The following WIZ variants were observed in gnomAD, a reference collection of about 807,000 sequenced individuals.
WIZ encodes WIZ zinc finger, also known as protein Wiz.
Under a neutral mutation model 140.2 loss-of-function variants are expected in WIZ, and 25 were observed. The observed-to-expected ratio is 0.18, with a 90% CI of 0.13 to 0.25. WIZ has a LOEUF of 0.25. Among genes scored for constraint, WIZ ranks in the 10% least tolerant of loss-of-function variants. The probability of loss-of-function intolerance (pLI) is 1.00; values close to 1 mark genes in which losing one functional copy is unlikely to be tolerated. For synonymous variants in WIZ, 1,125 were observed against 1,154.3 expected (o/e 0.97, Z 0.51); for missense variants, 2,231 against 2,632.6 (o/e 0.85, Z 3.34).
At chr19:15,423,318 C>T in intron 12 of WIZ, 83 bp from the exon 13 acceptor site, 1 of 1,508,910 alleles carries the variant, frequency 6.6e-7, no homozygotes, top group African/African-American at 1.4e-5. Flanking sequence ...CCTGGGCACA[C>T]CTGCTGCTAC....
chr19:15,433,353 C>A, intron 5 of WIZ: 1 of 985,446 alleles, frequency 1.0e-6, no homozygotes, highest in Non-Finnish European at 1.2e-6. Context: ...AACATTGCCC[C>A]GCCCCCAACC....
chr19:15,425,435 T>C lies in WIZ; in HGVS notation c.4700A>G (p.Gln1567Arg). 1 of 1,568,130 alleles carries C rather than the reference T, an allele frequency of 6.4e-7. No individual in the cohort carries two copies. Among genetic ancestry groups the C allele is most frequent in the Non-Finnish European group, 8.6e-7 (1 of 1,156,470 alleles). ...CGTCAGGCTGAGCTCACGAGGAACCTGGGCCGGCCCTGCACCTGGTTTGCC... is the reference window on the plus strand; with the variant it reads ...CGTCAGGCTGAGCTCACGAGGAACCCGGGCCGGCCCTGCACCTGGTTTGCC... ...RPGKPGAGPA[Q>R]VPRELSLTPI... Residue 1567 changes from glutamine to arginine, a missense_variant, in exon 10 of 13, where the codon CAG (glutamine) becomes CGG (arginine). Gln to Arg is a conservative substitution (Grantham distance 43, BLOSUM62 1). Transcript: ENST00000673675.
intron 4 of WIZ, 80 bp downstream of exon 4, chr19:15,438,498 C>A (rs111336281): frequency 7.1e-6 from 10 of 1,409,120 alleles, no homozygotes; most frequent in Non-Finnish European, 9.3e-6. Flanking sequence ...CCCTGCTTGG[C>A]GCTAAGGGAG....
At chr19:15,434,328 G>A (rs1267890440) in intron 5 of WIZ, among the ~76,000 whole-genome samples, 3 of 151,082 alleles carry the variant, frequency 2.0e-5, no homozygotes, top group African/African-American at 2.4e-5. Context: ...TTGGGAGGCC[G>A]AGGCGGGCGG....
Position 15,424,256 on chromosome 19 carries a change from G to T in WIZ, c.5437C>A (p.Pro1813Thr). The change falls in exon 12 of 13, where the codon CCC becomes ACC. Residue 1813 changes from proline to threonine, a missense_variant. By Grantham distance (38) the Pro-to-Thr change is conservative. Around this residue, in one of 15 missense-constraint regions of WIZ, gnomAD observed 299 missense variants for 309.6 expected, o/e 0.97. Transcript: ENST00000673675. The surrounding 1 kb of genome is among the most constrained non-coding windows in gnomAD (Gnocchi z 9.7). ...TGGGGGGGCCGGGGCACCAGGGAGGGGACTGGCCGGACTCGGGGTGGGGGT... is the reference window on the plus strand; with the variant it reads ...TGGGGGGGCCGGGGCACCAGGGAGGTGACTGGCCGGACTCGGGGTGGGGGT... ...RQPPPRVRPV[P>T]SLVPRPPQTS... 1 of 1,589,364 alleles carries T rather than the reference G, an allele frequency of 6.3e-7. No homozygotes were observed. Among genetic ancestry groups the T allele is most frequent in the Non-Finnish European group, 8.5e-7 (1 of 1,170,948 alleles).
rs1026384756 is a variant in WIZ at position 15,421,038 on chromosome 19, C to T, written c.*2038G>A. 19 of 152,168 alleles carry T rather than the reference C, an allele frequency of 1.2e-4. No homozygotes were observed. The highest frequency in any genetic ancestry group is 4.3e-4 in the African/African-American group (18 of 41,394). 9.4% of individuals were successfully genotyped at this position (152,168 alleles called of 1,614,324 possible). A position where few individuals can be genotyped will look rare whatever the true frequency, so the allele number is the denominator to read the frequency against. On this transcript the variant is annotated 3_prime_UTR_variant, in exon 13 of 13. Transcript: ENST00000673675. ...GGCTGAGGCAGGAGAATCACTTGAA[C>T]CCAGGAGGCAGAGACTGCAGCGAGC...
rs773725279 is a variant in WIZ at position 15,439,390 on chromosome 19, A to G, written c.1604T>C (p.Met535Thr). 1.3e-6 allele frequency: 2 copies of G among 1,529,364 alleles called. No homozygotes were observed. The highest frequency in any genetic ancestry group is 1.2e-5 in the South Asian group (1 of 83,576). 94.7% of individuals were successfully genotyped at this position (1,529,364 alleles called of 1,614,324 possible). Residue 535 changes from methionine to threonine, a missense_variant, in exon 4 of 13, where the codon ATG becomes ACG. By Grantham distance (81) the Met-to-Thr change is moderately conservative (BLOSUM62 -1). Transcript: ENST00000673675. The surrounding 1 kb of genome is among the most constrained non-coding windows in gnomAD (Gnocchi z 7.0). Reference protein sequence around the residue: ...FGKAEPSLAPMWRENPAGYDP... With the variant: ...FGKAEPSLAPTWRENPAGYDP... ...GTATCCAGCAGGGTTCTCCCGCCAC[A>G]TGGGGGCCAAGGACGGCTCAGCTTT...
In WIZ at chr19:15,420,648, T is replaced by C. The variant is rs1487530875; in HGVS notation, c.*2428A>G. On this transcript the variant is annotated 3_prime_UTR_variant, in exon 13 of 13. Transcript: ENST00000673675. ...AAGTGGCTTGAGCAGAGAAGAGCAA[T>C]GCTCAGAAAGTTTTAGGAAAACATC... 1 of 152,188 alleles carries C rather than the reference T, an allele frequency of 6.6e-6. No homozygotes were observed. The highest frequency in any genetic ancestry group is 1.5e-5 in the Non-Finnish European group (1 of 68,052). 9.4% of individuals were successfully genotyped at this position (152,188 alleles called of 1,614,324 possible).
In WIZ at chr19:15,438,752, C is replaced by T. The variant is rs1209154233; in HGVS notation, c.2242G>A (p.Glu748Lys). ...GDPAMALKHE[E>K]RKCPYCPDRF... ...TCGGGGCAGTAGGGGCATTTCCGCT[C>T]CTCGTGCTTCAGTGCCATGGCCGGA... Residue 748 changes from glutamate (E) to lysine (K), a missense_variant, in exon 4 of 13, where the codon GAG becomes AAG. Glu to Lys is a moderately conservative substitution (Grantham distance 56). Coordinates refer to ENST00000673675, the MANE Select transcript of WIZ (RefSeq NM_001371589.1). 2 of 1,535,744 alleles carry T rather than the reference C, an allele frequency of 1.3e-6. No homozygotes were observed. Among genetic ancestry groups the T allele is most frequent in the Non-Finnish European group, 1.7e-6 (2 of 1,146,562 alleles).
In WIZ at chr19:15,423,104, G is replaced by A. The variant is rs374661115; in HGVS notation, c.5642C>T (p.Ala1881Val). Residue 1881 changes from alanine (A) to valine (V), a missense_variant, in exon 13 of 13, where the codon GCA (alanine) becomes GTA (valine). Coordinates refer to ENST00000673675, the MANE Select transcript of WIZ (RefSeq NM_001371589.1). ...PPPEESQAPQ[A>V]QTAAAEAP ...GGGAGCCTCTGCCGCCGCTGTCTGT[G>A]CCTGCGGGGCCTGGGACTCCTCAGG... 8 of 1,612,222 alleles carry A rather than the reference G, an allele frequency of 5.0e-6. No individual in the cohort carries two copies. Among genetic ancestry groups the A allele is most frequent in the Non-Finnish European group, 5.9e-6 (7 of 1,179,774 alleles).
chr19:15,424,222 AGTG>A lies in WIZ; in HGVS notation c.5468_5470del (p.Ser1823_Leu1824delinsPhe). 2 of 1,564,548 alleles carry A rather than the reference AGTG, an allele frequency of 1.3e-6. No homozygotes were observed. The highest frequency in any genetic ancestry group is 2.0e-5 in the Admixed American group (1 of 50,890). On this transcript the variant is annotated inframe_deletion, in exon 12 of 13. Coordinates refer to ENST00000673675, the MANE Select transcript of WIZ (RefSeq NM_001371589.1). The surrounding 1 kb of genome is among the most constrained non-coding windows in gnomAD (Gnocchi z 9.7). ...GTAGATGTTGCCCACGAACTTGACA[AGTG>A]ATGTCTGGGGGGGCCGGGGCACCAG...
At position 15,432,302 on chromosome 19, in the gene WIZ, G is replaced by A. The variant is rs923284881; in HGVS notation, c.2741-1120C>T. On this transcript the variant is annotated intron_variant, in intron 5 of 12. Transcript: ENST00000673675. ...CTGCGAGCGGCGACAGAAGGCCCTG[G>A]GCCCACACAACTAAAGGGCCTGGGG... The A allele has an allele frequency of 3.5e-5, 11 of 315,244 alleles. No individual in the cohort carries two copies. In the East Asian group the frequency reaches 1.9e-3, roughly 54 times the overall value. 19.5% of individuals were successfully genotyped at this position (315,244 alleles called of 1,614,324 possible). A position where few individuals can be genotyped will look rare whatever the true frequency, so the allele number is the denominator to read the frequency against.
rs1968346443 is a variant in WIZ at position 15,420,974 on chromosome 19, G to C, written c.*2102C>G. The stretch of plus-strand genomic sequence containing the variant: ...CTACAAAAATTACAGATATAAGCCA[G>C]GGGTGGTGGTGCATGCCTGTGATCC... On this transcript the variant is annotated 3_prime_UTR_variant, in exon 13 of 13. Transcript: ENST00000673675. The C allele has an allele frequency of 6.6e-6, 1 of 152,198 alleles. No homozygotes were observed. The highest frequency in any genetic ancestry group is 1.5e-5 in the Non-Finnish European group (1 of 68,064). 9.4% of individuals were successfully genotyped at this position (152,198 alleles called of 1,614,324 possible).
intron 10 of WIZ, 23 bp from the exon 11 acceptor site, chr19:15,425,055 C>T (rs758933397): frequency 4.9e-5 from 75 of 1,542,096 alleles, no homozygotes; most frequent in Non-Finnish European, 6.1e-5. Context: ...GGGGGTGCTG[C>T]TGAGTCACAG....
chr19:15,424,598 C>G lies in WIZ; in HGVS notation c.5314+15G>C. On this transcript the variant is annotated intron_variant, in intron 11 of 12. Coordinates refer to ENST00000673675, the MANE Select transcript of WIZ (RefSeq NM_001371589.1). This position sits in a 1 kb window ranked among gnomAD's most constrained non-coding sequence, Gnocchi z 9.7. ...TGCCCGCTGCGCTCCCGACCCTCCTCCACCAAGCACTCACTGTTGATGTTC... is the reference window on the plus strand; with the variant it reads ...TGCCCGCTGCGCTCCCGACCCTCCTGCACCAAGCACTCACTGTTGATGTTC... 1.3e-6 allele frequency: 2 copies of G among 1,580,380 alleles called. No individual in the cohort carries two copies. Among genetic ancestry groups the G allele is most frequent in the Middle Eastern group, 4.6e-4 (2 of 4,368 alleles).
rs1379756838 is a variant in WIZ at position 15,421,190 on chromosome 19, C to T, written c.*1886G>A. The stretch of plus-strand genomic sequence containing the variant: ...GAAGAAACACCTTTGAGTCAGCTCA[C>T]AAGATGCTCTCCCTGCTTCCTAAGT... On this transcript the variant is annotated 3_prime_UTR_variant, in exon 13 of 13. Transcript: ENST00000673675. 6.6e-6 allele frequency: 1 copy of T among 152,264 alleles called. No individual in the cohort carries two copies. The highest frequency in any genetic ancestry group is 1.5e-5 in the Non-Finnish European group (1 of 68,048). The allele number at this position is 152,264 out of a possible 1,614,324, so 9.4% of individuals were successfully genotyped here. A position where few individuals can be genotyped will look rare whatever the true frequency, so the allele number is the denominator to read the frequency against.
chr19:15,426,042 A>G (rs1358658258), intron 9 of WIZ, among the ~76,000 whole-genome samples: 1 of 151,786 alleles, frequency 6.6e-6, no homozygotes, highest in East Asian at 1.9e-4. Context: ...CTGGGCTTCC[A>G]GAGGCCCTTT....
chr19:15,425,628 T>C lies in WIZ; in HGVS notation c.4507A>G (p.Ile1503Val), dbSNP rs1482002924. The stretch of plus-strand genomic sequence containing the variant: ...TTGAGGATCTCTCGCAGTGTGTCGA[T>C]GGGCGAACCATTGACGGACCACTCG... ...VTEWSVNGSP[I>V]DTLREILKKK... The change falls in exon 10 of 13, where the codon ATC becomes GTC. Residue 1503 changes from isoleucine (I) to valine (V), a missense_variant. Coordinates refer to ENST00000673675, the MANE Select transcript of WIZ (RefSeq NM_001371589.1). 2.5e-6 allele frequency: 4 copies of C among 1,613,378 alleles called. No homozygotes were observed. The highest frequency in any genetic ancestry group is 2.2e-5 in the East Asian group (1 of 44,826).
In WIZ at chr19:15,439,395, G is replaced by A. The variant is rs1969643944; in HGVS notation, c.1599C>T (p.Ala533=). The stretch of plus-strand genomic sequence containing the variant: ...CAGCAGGGTTCTCCCGCCACATGGG[G>A]GCCAAGGACGGCTCAGCTTTGCCAA... The part of the protein sequence containing the change: ...DYFGKAEPSL[A]PMWRENPAGY... Residue 533 remains alanine, a synonymous_variant, in exon 4 of 13, where the codon GCC becomes GCT. Coordinates refer to ENST00000673675, the MANE Select transcript of WIZ (RefSeq NM_001371589.1). The surrounding 1 kb of genome is among the most constrained non-coding windows in gnomAD (Gnocchi z 7.0). 6.5e-7 allele frequency: 1 copy of A among 1,527,986 alleles called. No homozygotes were observed. Among genetic ancestry groups the A allele is most frequent in the Admixed American group, 2.0e-5 (1 of 50,486 alleles). 94.7% of individuals were successfully genotyped at this position (1,527,986 alleles called of 1,614,324 possible). A position where few individuals can be genotyped will look rare whatever the true frequency, so the allele number is the denominator to read the frequency against.
Sources: gnomAD v4.1 joint callset for allele counts (sites outside exome capture counted in the v4.1 genomes callset) on GRCh38, gnomAD v4.1.1 for gene constraint, gnomAD v4.1.1 regional missense constraint, Gnocchi (gnomAD v3.1) non-coding constraint, MANE v1.5 for transcripts, NCBI Gene and HGNC (gene_info 2026-07-23, HGNC 2026-07-21) for gene names.